The following ARHGAP44 variants were observed in gnomAD, a reference collection of about 807,000 sequenced individuals.
The protein encoded by ARHGAP44 is Rho GTPase activating protein 44.
In ARHGAP44, 43 loss-of-function variants were observed where a neutral mutation model predicts 106.8. That is an observed-to-expected ratio of 0.40 (90% CI 0.32 to 0.52). The LOEUF (loss-of-function observed/expected upper bound fraction) is 0.52, where lower values mean the gene tolerates loss of function less well. Ranked by LOEUF, ARHGAP44 falls within the 20% of genes least tolerant of loss-of-function variation. The pLI is 0.48. For synonymous variants in ARHGAP44, 439 were observed against 410.3 expected, an observed-to-expected ratio of 1.07 and a Z score of -0.85; for missense variants, 866 against 1,050.5, an observed-to-expected ratio of 0.82 and a Z score of 2.43.
chr17:12,974,280 T>G lies in ARHGAP44; in HGVS notation c.1733T>G (p.Leu578Arg). 6.8e-7 allele frequency: 1 copy of G among 1,480,716 alleles called. No homozygotes were observed. Among genetic ancestry groups the G allele is most frequent in the Non-Finnish European group, 8.9e-7 (1 of 1,120,884 alleles). The allele number at this position is 1,480,716 out of a possible 1,614,324, so 91.7% of individuals were successfully genotyped here. A position where few individuals can be genotyped will look rare whatever the true frequency, so the allele number is the denominator to read the frequency against. The change falls in exon 18 of 21, where the codon CTG (leucine) becomes CGG (arginine). Residue 578 changes from leucine to arginine, a missense_variant. Around this residue, in one of 2 missense-constraint regions of ARHGAP44, gnomAD observed 418 missense variants for 403.6 expected, o/e 1.04. Coordinates refer to ENST00000379672, the MANE Select transcript of ARHGAP44 (RefSeq NM_014859.6). ...PAAPALSPSG[L>R]GLQPGPERTS... Reference sequence around the variant, plus strand: ...GCCCCCGCGCTCTCTCCATCCGGCCTGGGCCTCCAGCCTGGGCCCGAGCGC... The same window carrying G: ...GCCCCCGCGCTCTCTCCATCCGGCCGGGGCCTCCAGCCTGGGCCCGAGCGC...
intron 4 of ARHGAP44, among the ~76,000 whole-genome samples, chr17:12,914,207 T>C (rs2037833117): frequency 6.6e-6 from 1 of 152,176 alleles, no homozygotes; most frequent in South Asian, 2.1e-4. Flanking sequence ...TCAAGGAATG[T>C]AAATTAAAAC....
At chr17:12,893,036 G>T (rs1480103350) in intron 1 of ARHGAP44, among the ~76,000 whole-genome samples, 3 of 151,390 alleles carry the variant, frequency 2.0e-5, no homozygotes, top group Admixed American at 6.6e-5. Flanking sequence ...GGATATTATG[G>T]CTGTTATATT....
intron 10 of ARHGAP44, among the ~76,000 whole-genome samples, chr17:12,948,298 A>G (rs1439280285): frequency 6.6e-6 from 1 of 152,216 alleles, no homozygotes; most frequent in Non-Finnish European, 1.5e-5. Flanking sequence ...AACGGAATGC[A>G]GAGGAATGGA....
intron 8 of ARHGAP44, among the ~76,000 whole-genome samples, chr17:12,941,525 T>C (rs551892373): frequency 2.6e-4 from 39 of 152,158 alleles, no homozygotes; most frequent in Non-Finnish European, 4.6e-4. Context: ...CAATGAATTA[T>C]CCAGTCCAAA....
chr17:12,794,475 T>C (rs1286509140), intron 1 of ARHGAP44, among the ~76,000 whole-genome samples: 1 of 152,160 alleles, frequency 6.6e-6, no homozygotes, highest in Non-Finnish European at 1.5e-5. Flanking sequence ...AAAGGATTCT[T>C]AGAAACGATT....
At chr17:12,796,136 ATATCTATCTATCTATC>A (rs67730348) in intron 1 of ARHGAP44, among the ~76,000 whole-genome samples, 2 of 150,206 alleles carry the variant, frequency 1.3e-5, no homozygotes, top group East Asian at 2.0e-4. Context: ...TTTGAGAAGT[ATATCTATCTATCTATC>A]TATCTATCTA....
rs1307481830 is a variant in ARHGAP44, at chr17:12,974,126, C to A, written c.1579C>A (p.Arg527=). 1.3e-6 allele frequency: 2 copies of A among 1,570,192 alleles called. No homozygotes were observed. Among genetic ancestry groups the A allele is most frequent in the African/African-American group, 1.4e-5 (1 of 74,014 alleles). The change falls in exon 18 of 21, where the codon CGA becomes AGA. Residue 527 remains arginine (R), a synonymous_variant. Transcript: ENST00000379672. ...VRVMDTNWVA[R]RGSSAGRKVS... is the part of the protein sequence containing the mutation. Reference sequence around the variant, plus strand: ...GGTCATGGACACAAACTGGGTGGCTCGAAGAGGCTCCTCGGCCGGTCGGAA... The same window carrying A: ...GGTCATGGACACAAACTGGGTGGCTAGAAGAGGCTCCTCGGCCGGTCGGAA...
At chr17:12,953,080 G>A (rs1447729262) in intron 13 of ARHGAP44, among the ~76,000 whole-genome samples, 1 of 152,184 alleles carries the variant, frequency 6.6e-6, no homozygotes, top group Non-Finnish European at 1.5e-5. Flanking sequence ...ACAGGTAGGT[G>A]TTGGTGGACA....
intron 1 of ARHGAP44, among the ~76,000 whole-genome samples, chr17:12,874,452 C>A (rs887393741): frequency 2.0e-5 from 3 of 152,090 alleles, no homozygotes; most frequent in African/African-American, 7.2e-5. Flanking sequence ...CAGTTGTGCC[C>A]AGGCGCGGCA....
At chr17:12,828,379 C>T (rs1228897126) in intron 1 of ARHGAP44, among the ~76,000 whole-genome samples, 1 of 152,022 alleles carries the variant, frequency 6.6e-6, no homozygotes, top group Non-Finnish European at 1.5e-5. Flanking sequence ...CTTCTTATCC[C>T]AGTTTGCAAT....
intron 1 of ARHGAP44, among the ~76,000 whole-genome samples, chr17:12,835,262 G>T (rs1051199246): frequency 1.3e-5 from 2 of 152,182 alleles, no homozygotes; most frequent in East Asian, 3.8e-4. Flanking sequence ...ATCCAGTTGA[G>T]TTGAGGCTTG....
chr17:12,982,425 G>A (rs1303582104), intron 19 of ARHGAP44, among the ~76,000 whole-genome samples: 1 of 151,742 alleles, frequency 6.6e-6, no homozygotes, highest in Non-Finnish European at 1.5e-5. Flanking sequence ...ACATGGTGAT[G>A]CATCCTCTGT....
At chr17:12,954,299 G>A (rs892098269) in intron 13 of ARHGAP44, among the ~76,000 whole-genome samples, 2 of 152,194 alleles carry the variant, frequency 1.3e-5, no homozygotes, top group African/African-American at 2.4e-5. Flanking sequence ...TGTACTTAAT[G>A]CCACCAAATT....
At chr17:12,915,096 T>C (rs1281148119) in intron 4 of ARHGAP44, among the ~76,000 whole-genome samples, 8 of 152,232 alleles carry the variant, frequency 5.3e-5, no homozygotes, top group Non-Finnish European at 8.8e-5. Context: ...TGGAGTGCAG[T>C]GGCACTATCT....
In ARHGAP44 at chr17:12,857,547, C is replaced by T. The variant is rs114818325; in HGVS notation, c.54-37393C>T. On this transcript the variant is annotated intron_variant, in intron 1 of 20. Transcript: ENST00000379672. ...AGTCCTAATTATCTCCCAAAGGCCC[C>T]ACCTCCAATCAACATAATGAATTTG... Among the ~76,000 whole-genome samples, 1,391 of 152,272 alleles carry T rather than the reference C, an allele frequency of 9.1e-3. 21 individuals carry two copies. The highest frequency in any genetic ancestry group is 0.032 in the African/African-American group (1,321 of 41,546).
chr17:12,959,076 C>T, intron 16 of ARHGAP44, 179 bp downstream of exon 16: 4 of 716,342 alleles, frequency 5.6e-6, no homozygotes, highest in Non-Finnish European at 9.4e-6. Flanking sequence ...GGCTTGCCGC[C>T]CTTTAGACCA....
At chr17:12,983,558 A>G (rs941432336) in intron 19 of ARHGAP44, among the ~76,000 whole-genome samples, 9 of 152,106 alleles carry the variant, frequency 5.9e-5, no homozygotes, top group African/African-American at 2.2e-4. Context: ...TAATCCCAGC[A>G]CTTTGGGAGG....
chr17:12,794,463 G>A (rs1042884998), intron 1 of ARHGAP44, among the ~76,000 whole-genome samples: 1 of 152,176 alleles, frequency 6.6e-6, no homozygotes, highest in African/African-American at 2.4e-5. Flanking sequence ...CTCCTAAGTA[G>A]AAAAGGATTC....
chr17:12,892,378 A>C (rs1039862351), intron 1 of ARHGAP44, among the ~76,000 whole-genome samples: 1 of 151,706 alleles, frequency 6.6e-6, no homozygotes, highest in African/African-American at 2.4e-5. Context: ...ATTTGTCTTT[A>C]GTTCTTAGAA....
Sources: gnomAD v4.1 joint callset for allele counts (sites outside exome capture counted in the v4.1 genomes callset) on GRCh38, gnomAD v4.1.1 for gene constraint, gnomAD v4.1.1 regional missense constraint, MANE v1.5 for transcripts, NCBI Gene and HGNC (gene_info 2026-07-23, HGNC 2026-07-21) for gene names.